The following RIMS2 variants were observed in gnomAD, a reference collection of about 807,000 sequenced individuals.
RIMS2 encodes regulating synaptic membrane exocytosis protein 2.
In RIMS2, 59 loss-of-function variants were observed where a neutral mutation model predicts 174.4. The observed-to-expected ratio is 0.34, with a 90% CI of 0.27 to 0.42. RIMS2 has a LOEUF of 0.42. RIMS2 is among the 10% of genes least tolerant of loss of function. The probability of loss-of-function intolerance (pLI) is 1.00; values close to 1 mark genes in which losing one functional copy is unlikely to be tolerated. For synonymous variants in RIMS2, 606 were observed against 572.5 expected (o/e 1.06, Z -0.84); for missense variants, 1,620 against 1,666.3 (o/e 0.97, Z 0.48).
chr8:103,748,080 G>A (rs2097843756), intron 2 of RIMS2, among the ~76,000 whole-genome samples: 1 of 152,062 alleles, frequency 6.6e-6, no homozygotes, highest in Non-Finnish European at 1.5e-5. Context: ...ATTAGTCCAT[G>A]GCTTCTGGAA....
At chr8:104,108,488 T>G (rs948587964) in intron 19 of RIMS2, among the ~76,000 whole-genome samples, 1 of 151,826 alleles carries the variant, frequency 6.6e-6, no homozygotes, top group Non-Finnish European at 1.5e-5. Context: ...TCTGTAGAGA[T>G]GGGATTTTGC....
chr8:103,927,631 A>C (rs1280326447), intron 10 of RIMS2, among the ~76,000 whole-genome samples: 1 of 151,444 alleles, frequency 6.6e-6, no homozygotes, highest in Non-Finnish European at 1.5e-5. Context: ...ACAAATTCTA[A>C]TATTTTGTAT....
intron 13 of RIMS2, among the ~76,000 whole-genome samples, chr8:103,940,606 A>C (rs998588585): frequency 2.0e-5 from 3 of 152,092 alleles, no homozygotes; most frequent in African/African-American, 7.2e-5. Flanking sequence ...TGGTAAAACT[A>C]AAAACCCTTC....
intron 3 of RIMS2, among the ~76,000 whole-genome samples, chr8:103,790,836 T>G (rs1002723972): frequency 6.6e-6 from 1 of 152,218 alleles, no homozygotes; most frequent in Non-Finnish European, 1.5e-5. Flanking sequence ...ATGTTTACAT[T>G]GTAAAAAATG....
At chr8:103,945,569 G>A (rs2083520920) in intron 14 of RIMS2, among the ~76,000 whole-genome samples, 2 of 151,810 alleles carry the variant, frequency 1.3e-5, no homozygotes, top group East Asian at 1.9e-4. Context: ...ATCCAACAGT[G>A]TATACAAAAG....
intron 3 of RIMS2, among the ~76,000 whole-genome samples, chr8:103,821,269 T>G (rs1346483741): frequency 6.6e-6 from 1 of 151,718 alleles, no homozygotes; most frequent in African/African-American, 2.4e-5. Context: ...CCTTTAAAGC[T>G]CTCATTAAAA....
intron 17 of RIMS2, among the ~76,000 whole-genome samples, chr8:104,004,709 C>T (rs564028515): frequency 7.2e-5 from 11 of 152,042 alleles, no homozygotes; most frequent in Admixed American, 3.9e-4. Flanking sequence ...GTCAAAAATA[C>T]AGAAAAAAGA....
chr8:104,136,632 A>C (rs1015579513), intron 19 of RIMS2, among the ~76,000 whole-genome samples: 2 of 152,184 alleles, frequency 1.3e-5, no homozygotes, highest in Non-Finnish European at 1.5e-5. Context: ...AATGAATTCA[A>C]TCATGTCCTT....
At chr8:104,074,188 G>A (rs971945725) in intron 19 of RIMS2, among the ~76,000 whole-genome samples, 1 of 152,172 alleles carries the variant, frequency 6.6e-6, no homozygotes, top group Non-Finnish European at 1.5e-5. Context: ...TTTAATGTAA[G>A]TCAGGAATAC....
intron 1 of RIMS2, among the ~76,000 whole-genome samples, chr8:103,589,097 A>T (rs2094122958): frequency 6.6e-6 from 1 of 151,744 alleles, no homozygotes; most frequent in South Asian, 2.1e-4. Flanking sequence ...CTAAGTTGGA[A>T]AGAAGATGGC....
intron 3 of RIMS2, among the ~76,000 whole-genome samples, chr8:103,820,670 A>T (rs1159239816): frequency 6.6e-6 from 1 of 151,884 alleles, no homozygotes; most frequent in Non-Finnish European, 1.5e-5. Context: ...TATAACCTTT[A>T]CTTTGAAAAT....
At chr8:103,786,508 C>G (rs1345791442) in intron 3 of RIMS2, among the ~76,000 whole-genome samples, 3 of 152,124 alleles carry the variant, frequency 2.0e-5, no homozygotes, top group Admixed American at 1.3e-4. Flanking sequence ...ATCTTTATTT[C>G]TGCCTTCACT....
chr8:104,038,166 T>C (rs1034331889), intron 19 of RIMS2, among the ~76,000 whole-genome samples: 2 of 152,038 alleles, frequency 1.3e-5, no homozygotes, highest in African/African-American at 4.8e-5. Flanking sequence ...TCAAAATATT[T>C]GTTGTAATAT....
chr8:103,933,723 T>C (rs2080554899), intron 12 of RIMS2, among the ~76,000 whole-genome samples: 1 of 152,224 alleles, frequency 6.6e-6, no homozygotes, highest in African/African-American at 2.4e-5. Context: ...GTTTCATCTG[T>C]AATAGTGAAA....
chr8:104,018,678 G>A (rs1181724427), intron 19 of RIMS2, among the ~76,000 whole-genome samples: 2 of 152,082 alleles, frequency 1.3e-5, no homozygotes, highest in Admixed American at 1.3e-4. Flanking sequence ...TTTTGTTGAA[G>A]CTTTAGCCCA....
intron 3 of RIMS2, among the ~76,000 whole-genome samples, chr8:103,810,154 A>G (rs2098677420): frequency 6.6e-6 from 1 of 152,182 alleles, no homozygotes; most frequent in Non-Finnish European, 1.5e-5. Context: ...ACTCTTCAGT[A>G]GCTCTCCAAA....
chr8:103,638,337 A>G (rs1435707092), intron 1 of RIMS2, among the ~76,000 whole-genome samples: 1 of 152,100 alleles, frequency 6.6e-6, no homozygotes, highest in East Asian at 1.9e-4. Context: ...TAATGTTAGC[A>G]TATATCAGTG....
chr8:104,219,824 C>G (rs374554546), intron 19 of RIMS2, among the ~76,000 whole-genome samples: 128 of 152,124 alleles, frequency 8.4e-4, no homozygotes, highest in African/African-American at 3.0e-3. Context: ...GAACTACATC[C>G]AAAACTACAT....
chr8:103,838,922 G>A (rs13252571), intron 3 of RIMS2, among the ~76,000 whole-genome samples: 19,914 of 152,078 alleles, frequency 0.13, 1,767 homozygotes, highest in Non-Finnish European at 0.2. Context: ...AAAATTAGCC[G>A]GGCGTGGTGG....
Sources: allele counts gnomAD v4.1 joint callset (sites outside exome capture counted in the v4.1 genomes callset), GRCh38; gene constraint gnomAD v4.1.1; transcripts MANE v1.5; gene names NCBI Gene and HGNC (gene_info 2026-07-23, HGNC 2026-07-21).